Variants in KCNJ1 observed in about 807,000 individuals in gnomAD.
KCNJ1 encodes potassium inwardly rectifying channel subfamily J member 1, also known as ATP-sensitive inward rectifier potassium channel 1.
In KCNJ1, 24 loss-of-function variants were observed where a neutral mutation model predicts 21.9. The ratio of observed to expected loss-of-function variants is 1.10; its 90% CI spans 0.79 to 1.54. The LOEUF is 1.54. Ranked by LOEUF, KCNJ1 falls within the 40% of genes most tolerant of loss-of-function variation. The pLI is 0.00. For missense variants in KCNJ1, 457 were observed against 455.4 expected (o/e 1.00, Z -0.03); for synonymous variants, 152 against 160.9 (o/e 0.94, Z 0.42).
chr11:128,844,384 C>A (rs1048857447), intron 2 of KCNJ1, among the ~76,000 whole-genome samples: 4 of 152,190 alleles, frequency 2.6e-5, no homozygotes, highest in Admixed American at 6.5e-5. Flanking sequence ...AGGTTTTTTT[C>A]ATAGAACGAA....
intron 1 of KCNJ1, among the ~76,000 whole-genome samples, chr11:128,851,288 T>G (rs1943474605): frequency 6.6e-6 from 1 of 152,192 alleles, no homozygotes; most frequent in African/African-American, 2.4e-5. Flanking sequence ...TCTCAAAAGA[T>G]GTATGTAGAC....
intron 2 of KCNJ1, among the ~76,000 whole-genome samples, chr11:128,843,722 A>G (rs942862359): frequency 6.6e-6 from 1 of 152,234 alleles, no homozygotes; most frequent in Non-Finnish European, 1.5e-5. Flanking sequence ...CTTTGCAAAC[A>G]TACTTCAACT....
intron 1 of KCNJ1, among the ~76,000 whole-genome samples, chr11:128,865,431 G>A (rs1943800570): frequency 6.6e-6 from 1 of 152,052 alleles, no homozygotes; most frequent in Non-Finnish European, 1.5e-5. Context: ...AAAACACAAT[G>A]AGTTCTAATT....
intron 1 of KCNJ1, among the ~76,000 whole-genome samples, chr11:128,854,498 C>T (rs1403490139): frequency 6.6e-6 from 1 of 152,060 alleles, no homozygotes; most frequent in Non-Finnish European, 1.5e-5. Flanking sequence ...CTGCTCCCCA[C>T]CCCACACCAC....
Position 128,839,633 on chromosome 11 carries a change from C to T in KCNJ1, c.611G>A (p.Gly204Asp), listed in dbSNP as rs1407978666. Residue 204 changes from glycine (G) to aspartate (D), a missense_variant, in exon 3 of 3, where the codon GGC (glycine) becomes GAC (aspartate). By Grantham distance (94) the Gly-to-Asp change is moderately conservative. Transcript: ENST00000392666. ...CAGAAGCTTTCCATAAATGTGACTG[C>T]CAATAAGAAGGCTCTTCCTGAGATT... ...VANLRKSLLIGSHIYGKLLKT... is the reference protein window; with the variant it reads ...VANLRKSLLIDSHIYGKLLKT... The T allele has an allele frequency of 6.2e-7, 1 of 1,613,840 alleles. No homozygotes were observed. Among genetic ancestry groups the T allele is most frequent in the South Asian group, 1.1e-5 (1 of 91,078 alleles).
At chr11:128,849,667 C>T (rs772075703) in intron 2 of KCNJ1, among the ~76,000 whole-genome samples, 11 of 152,204 alleles carry the variant, frequency 7.2e-5, no homozygotes, top group Non-Finnish European at 1.5e-4. Context: ...AATTAAGAAG[C>T]AGCCATGAGA....
At chr11:128,860,211 T>C (rs576286924) in intron 1 of KCNJ1, among the ~76,000 whole-genome samples, 12 of 152,238 alleles carry the variant, frequency 7.9e-5, no homozygotes, top group Non-Finnish European at 1.3e-4. Context: ...ATGCAGTGCT[T>C]GGGAGAATCC....
chr11:128,862,494 C>A (rs928990506), intron 1 of KCNJ1, among the ~76,000 whole-genome samples: 2 of 152,178 alleles, frequency 1.3e-5, no homozygotes, highest in African/African-American at 4.8e-5. Context: ...TGTGTCCTAC[C>A]GCCCCCTCCA....
intron 1 of KCNJ1, among the ~76,000 whole-genome samples, chr11:128,856,961 G>T (rs1345633579): frequency 1.3e-5 from 2 of 152,118 alleles, no homozygotes; most frequent in African/African-American, 4.8e-5. Context: ...GGATCATGCT[G>T]CTGCCTTGCT....
chr11:128,844,623 G>T (rs1943346773), intron 2 of KCNJ1, among the ~76,000 whole-genome samples: 1 of 152,122 alleles, frequency 6.6e-6, no homozygotes, highest in African/African-American at 2.4e-5. Context: ...AACAGTTTGT[G>T]GTCCTTACTG....
intron 1 of KCNJ1, among the ~76,000 whole-genome samples, chr11:128,854,386 C>A (rs1040518332): frequency 6.6e-6 from 1 of 152,174 alleles, no homozygotes; most frequent in Non-Finnish European, 1.5e-5. Flanking sequence ...TTTGAGCCAG[C>A]CCCTCCAGAG....
At chr11:128,855,859 G>T (rs2135955262) in intron 1 of KCNJ1, among the ~76,000 whole-genome samples, 1 of 152,340 alleles carries the variant, frequency 6.6e-6, no homozygotes, top group Admixed American at 6.5e-5. Flanking sequence ...TTGGCACTTG[G>T]GGAAATCAGT....
chr11:128,861,221 T>C (rs1418698724), intron 1 of KCNJ1, among the ~76,000 whole-genome samples: 2 of 152,214 alleles, frequency 1.3e-5, no homozygotes. Context: ...ACAGAAACTC[T>C]GGTGCCGCCA....
rs565205418 is a variant in KCNJ1 at position 128,862,539 on chromosome 11, C to A, written c.-192+4634G>T. ...GGGCTGCCCTAGAAGCAGACTGGGT[C>A]GGGGAGCCTGGTTGGTAGGTTAGAA... is the stretch of plus-strand genomic sequence containing the variant. On this transcript the variant is annotated intron_variant, in intron 1 of 2. Coordinates refer to ENST00000392666, the MANE Select transcript of KCNJ1 (RefSeq NM_153766.3). 7.2e-5 allele frequency among the ~76,000 whole-genome samples: 11 copies of A among 152,280 alleles called. No homozygotes were observed. The East Asian group carries it at 1.9e-3, about 27-fold the overall frequency.
chr11:128,863,280 G>C (rs1190424183), intron 1 of KCNJ1, among the ~76,000 whole-genome samples: 1 of 152,252 alleles, frequency 6.6e-6, no homozygotes, highest in Admixed American at 6.5e-5. Flanking sequence ...AACTGGAGCA[G>C]AGGGAGGGGC....
intron 1 of KCNJ1, among the ~76,000 whole-genome samples, chr11:128,854,797 GT>G (rs1243650749): frequency 6.6e-6 from 1 of 152,232 alleles, no homozygotes; most frequent in Non-Finnish European, 1.5e-5. Context: ...GTAATGATCT[GT>G]TTGATGACAC....
At position 128,840,216 on chromosome 11, in the gene KCNJ1, C is replaced by T. The variant is rs773713405; in HGVS notation, c.28G>A (p.Val10Ile). ...CGAGAATGCCCAAAAAAGCGAGTGA[C>T]GACCCATTTCCGAAGATGTTTGAAC... MFKHLRKWVVTRFFGHSRQR... is the reference protein window; with the variant it reads MFKHLRKWVITRFFGHSRQR... The change falls in exon 3 of 3, where the codon GTC (valine) becomes ATC (isoleucine). Residue 10 changes from valine (V) to isoleucine (I), a missense_variant. By Grantham distance (29) the Val-to-Ile change is conservative. Transcript: ENST00000392666. 1.2e-5 allele frequency: 20 copies of T among 1,613,988 alleles called. No homozygotes were observed. The highest frequency in any genetic ancestry group is 1.5e-5 in the Non-Finnish European group (18 of 1,180,024).
At chr11:128,848,324 C>A (rs1042301791) in intron 2 of KCNJ1, among the ~76,000 whole-genome samples, 1 of 149,352 alleles carries the variant, frequency 6.7e-6, no homozygotes, top group Admixed American at 6.7e-5. Context: ...CCTGAGACCA[C>A]GGGTGTGCAC....
At chr11:128,866,681 A>T (rs1358414863) in intron 1 of KCNJ1, 1 of 201,826 alleles carries the variant, frequency 5.0e-6, no homozygotes, top group Non-Finnish European at 8.8e-6. Context: ...AAAGAAAGAC[A>T]TTTGGGTGAA....
Sources: allele counts gnomAD v4.1 joint callset (sites outside exome capture counted in the v4.1 genomes callset), GRCh38; gene constraint gnomAD v4.1.1; transcripts MANE v1.5; gene names NCBI Gene and HGNC (gene_info 2026-07-23, HGNC 2026-07-21).